EPHA5: variants seen among roughly 807,000 people sequenced by gnomAD.
The protein encoded by EPHA5 is EPH receptor A5.
A neutral mutation model predicts 105.0 loss-of-function variants in EPHA5; 60 were observed. The ratio of observed to expected loss-of-function variants is 0.57; its 90% CI spans 0.46 to 0.71. The LOEUF (loss-of-function observed/expected upper bound fraction) is 0.71. Among genes scored for constraint, EPHA5 ranks in the 30% least tolerant of loss-of-function variants. The pLI, the probability that EPHA5 is intolerant of heterozygous loss-of-function variation, is 0.00. For synonymous variants in EPHA5, 513 were observed against 449.1 expected, an observed-to-expected ratio of 1.14 and a Z score of -1.80; for missense variants, 1,218 against 1,274.7, an observed-to-expected ratio of 0.96 and a Z score of 0.68.
chr4:65,483,229 A>G (rs1465889210), intron 5 of EPHA5, among the ~76,000 whole-genome samples: 2 of 152,170 alleles, frequency 1.3e-5, no homozygotes, highest in Non-Finnish European at 2.9e-5. Context: ...CATAGTGTAT[A>G]TGTGCCACAT....
intron 5 of EPHA5, among the ~76,000 whole-genome samples, chr4:65,443,318 A>G (rs1426358898): frequency 1.3e-5 from 2 of 151,844 alleles, no homozygotes; most frequent in Non-Finnish European, 2.9e-5. Flanking sequence ...TTAGCTGCAC[A>G]AAACCGGTAA....
chr4:65,588,966 T>A (rs538115710), intron 3 of EPHA5, among the ~76,000 whole-genome samples: 1 of 152,308 alleles, frequency 6.6e-6, no homozygotes, highest in Admixed American at 6.5e-5. Flanking sequence ...AAATTAGAAA[T>A]TGCTTTAAAC....
At chr4:65,543,645 G>T (rs184734718) in intron 3 of EPHA5, among the ~76,000 whole-genome samples, 1 of 151,944 alleles carries the variant, frequency 6.6e-6, no homozygotes, top group African/African-American at 2.4e-5. Context: ...TGGTCATACT[G>T]CCCAAAGTAA....
At chr4:65,513,267 T>C (rs1349056277) in intron 3 of EPHA5, among the ~76,000 whole-genome samples, 1 of 152,246 alleles carries the variant, frequency 6.6e-6, no homozygotes, top group Non-Finnish European at 1.5e-5. Flanking sequence ...TAGCAAGTTT[T>C]TGTTTTTTCT....
At chr4:65,516,391 T>A (rs1734105267) in intron 3 of EPHA5, among the ~76,000 whole-genome samples, 4 of 151,002 alleles carry the variant, frequency 2.6e-5, no homozygotes. Flanking sequence ...ATCGTTGCTC[T>A]CCTGATGTTG....
At chr4:65,518,320 A>C (rs1319360940) in intron 3 of EPHA5, among the ~76,000 whole-genome samples, 1 of 151,872 alleles carries the variant, frequency 6.6e-6, no homozygotes, top group South Asian at 2.1e-4. Flanking sequence ...GTATTATCTT[A>C]TAATGTGTAA....
chr4:65,597,711 G>T (rs1289054630), intron 3 of EPHA5, among the ~76,000 whole-genome samples: 1 of 152,156 alleles, frequency 6.6e-6, no homozygotes, highest in Non-Finnish European at 1.5e-5. Flanking sequence ...CAATAGAAAT[G>T]AGTATTTTGT....
intron 3 of EPHA5, among the ~76,000 whole-genome samples, chr4:65,529,319 G>T (rs1034685485): frequency 2.6e-5 from 4 of 152,038 alleles, no homozygotes; most frequent in Non-Finnish European, 5.9e-5. Context: ...ACAAATTAAT[G>T]ATTATGCTGA....
chr4:65,410,443 G>A (rs985805782), intron 7 of EPHA5, among the ~76,000 whole-genome samples: 1 of 152,144 alleles, frequency 6.6e-6, no homozygotes, highest in Admixed American at 6.5e-5. Flanking sequence ...CAGTGGGTGT[G>A]CTTATTAAAA....
intron 3 of EPHA5, 42 bp downstream of exon 3, chr4:65,601,599 C>G (rs763774781): frequency 1.4e-5 from 22 of 1,576,732 alleles, no homozygotes; most frequent in Non-Finnish European, 1.8e-5. Flanking sequence ...CATGATCCAA[C>G]TGAAGCAGAC....
intron 7 of EPHA5, among the ~76,000 whole-genome samples, chr4:65,409,664 C>T (rs1472917256): frequency 6.6e-6 from 1 of 152,086 alleles, no homozygotes; most frequent in Admixed American, 6.6e-5. Context: ...AATTTGGGAT[C>T]CTTCTCTCAC....
chr4:65,355,159 C>T (rs1490563568), intron 11 of EPHA5, among the ~76,000 whole-genome samples: 1 of 151,516 alleles, frequency 6.6e-6, no homozygotes, highest in Non-Finnish European at 1.5e-5. Context: ...CATGTCTATG[C>T]ATATTGTCAA....
At chr4:65,398,495 C>A (rs1258404232) in intron 8 of EPHA5, among the ~76,000 whole-genome samples, 4 of 152,154 alleles carry the variant, frequency 2.6e-5, no homozygotes, top group African/African-American at 9.7e-5. Context: ...CCCAGTGAAG[C>A]CTCACCTTCA....
At chr4:65,368,046 G>A (rs1454061694) in intron 8 of EPHA5, among the ~76,000 whole-genome samples, 1 of 151,312 alleles carries the variant, frequency 6.6e-6, no homozygotes, top group Non-Finnish European at 1.5e-5. Context: ...TTATTACTAG[G>A]AAAAAAAATC....
chr4:65,435,441 A>C (rs1363770012), intron 5 of EPHA5, among the ~76,000 whole-genome samples: 1 of 152,146 alleles, frequency 6.6e-6, no homozygotes, highest in Non-Finnish European at 1.5e-5. Flanking sequence ...TAAGTGTAGA[A>C]GATACTAAGA....
chr4:65,531,013 TTA>T (rs1274641458), intron 3 of EPHA5, among the ~76,000 whole-genome samples: 9 of 132,072 alleles, frequency 6.8e-5, no homozygotes, highest in African/African-American at 2.4e-4. Flanking sequence ...TTTATTTTTT[TTA>T]TTTTTTTTAT....
At chr4:65,373,415 C>A (rs1718683993) in intron 8 of EPHA5, among the ~76,000 whole-genome samples, 1 of 151,766 alleles carries the variant, frequency 6.6e-6, no homozygotes, top group East Asian at 1.9e-4. Context: ...CACACTCCCC[C>A]CGGCAGATAT....
chr4:65,566,555 C>T (rs926385704), intron 3 of EPHA5, among the ~76,000 whole-genome samples: 1 of 151,412 alleles, frequency 6.6e-6, no homozygotes, highest in Non-Finnish European at 1.5e-5. Context: ...TCTTTTCTTC[C>T]TTATTTATTT....
At chr4:65,657,908 A>G (rs1236335273) in intron 1 of EPHA5, among the ~76,000 whole-genome samples, 1 of 151,748 alleles carries the variant, frequency 6.6e-6, no homozygotes, top group Non-Finnish European at 1.5e-5. Context: ...CAAAAAAAAA[A>G]AAAAAAAAAA....
Sources: gnomAD v4.1 joint callset for allele counts (sites outside exome capture counted in the v4.1 genomes callset) on GRCh38, gnomAD v4.1.1 for gene constraint, MANE v1.5 for transcripts, NCBI Gene and HGNC (gene_info 2026-07-23, HGNC 2026-07-21) for gene names.